The following XRRA1 variants were observed in gnomAD, a reference collection of about 807,000 sequenced individuals.
XRRA1 encodes the protein X-ray radiation resistance-associated protein 1.
Under a neutral mutation model 80.2 loss-of-function variants are expected in XRRA1, and 69 were observed. That is an observed-to-expected ratio of 0.86 (90% CI 0.71 to 1.05). The LOEUF (loss-of-function observed/expected upper bound fraction) is 1.05, where lower values mean the gene tolerates loss of function less well. XRRA1 is among the 50% of genes least tolerant of loss of function. The probability of loss-of-function intolerance (pLI) is 0.00; values close to 1 mark genes in which losing one functional copy is unlikely to be tolerated. For synonymous variants in XRRA1, 348 were observed against 389.9 expected, an observed-to-expected ratio of 0.89 and a Z score of 1.27; for missense variants, 967 against 976.4, an observed-to-expected ratio of 0.99 and a Z score of 0.13.
rs1187141979 is a variant in XRRA1 at position 74,851,864 on chromosome 11, C to G, written c.1264+125G>C. On this transcript the variant is annotated intron_variant, in intron 13 of 18. Transcript: ENST00000684022. ...CTATTTCCTCCATTCCTCAATGTAC[C>G]ATGAACCTTGTCCACCCCGACACAG... The G allele has an allele frequency of 5.1e-6, 4 of 789,468 alleles. No homozygotes were observed. The East Asian group carries it at 1.0e-4, about 20-fold the overall frequency. The allele number at this position is 789,468 out of a possible 1,614,324, so 48.9% of individuals were successfully genotyped here. A position where few individuals can be genotyped will look rare whatever the true frequency, so the allele number is the denominator to read the frequency against.
At chr11:74,928,701 T>C (rs953155153) in intron 6 of XRRA1, among the ~76,000 whole-genome samples, 9 of 152,228 alleles carry the variant, frequency 5.9e-5, no homozygotes, top group Non-Finnish European at 1.2e-4. Context: ...GAATGTTCAG[T>C]AGAACCTAAT....
intron 5 of XRRA1, among the ~76,000 whole-genome samples, chr11:74,931,193 C>T (rs182996911): frequency 5.3e-5 from 8 of 151,768 alleles, no homozygotes; most frequent in African/African-American, 1.9e-4. Flanking sequence ...TAAAACTTTA[C>T]GTTAAATGCA....
chr11:74,928,747 A>G (rs1157972683), intron 6 of XRRA1, among the ~76,000 whole-genome samples: 3 of 152,216 alleles, frequency 2.0e-5, no homozygotes, highest in Admixed American at 1.3e-4. Context: ...GATGTTTCCA[A>G]TGAACAGCCT....
intron 10 of XRRA1, among the ~76,000 whole-genome samples, chr11:74,889,755 T>C (rs1461290219): frequency 6.6e-6 from 1 of 152,194 alleles, no homozygotes; most frequent in Non-Finnish European, 1.5e-5. Flanking sequence ...GTTGCAATTC[T>C]AGTCTCTGAT....
At chr11:74,909,457 T>C (rs2055374390) in intron 8 of XRRA1, among the ~76,000 whole-genome samples, 1 of 152,208 alleles carries the variant, frequency 6.6e-6, no homozygotes, top group South Asian at 2.1e-4. Context: ...AAAATTCCTC[T>C]TAAGCTCCAT....
chr11:74,937,739 G>A (rs1442187080), intron 3 of XRRA1, among the ~76,000 whole-genome samples: 3 of 152,132 alleles, frequency 2.0e-5, no homozygotes, highest in Non-Finnish European at 4.4e-5. Flanking sequence ...GTTCTTTCTC[G>A]CACCAGCAGT....
chr11:74,869,757 A>G (rs1235686787), intron 10 of XRRA1, among the ~76,000 whole-genome samples: 1 of 152,106 alleles, frequency 6.6e-6, no homozygotes, highest in South Asian at 2.1e-4. Context: ...TTCACACCCT[A>G]TGTAAATCAG....
chr11:74,849,551 G>A (rs977456991), intron 14 of XRRA1, among the ~76,000 whole-genome samples: 6 of 152,146 alleles, frequency 3.9e-5, no homozygotes, highest in African/African-American at 7.2e-5. Context: ...AACACCAAGC[G>A]CCATCACTTG....
chr11:74,873,740 T>A (rs974170374), intron 10 of XRRA1, among the ~76,000 whole-genome samples: 1 of 152,154 alleles, frequency 6.6e-6, no homozygotes, highest in African/African-American at 2.4e-5. Flanking sequence ...AAATCTAACA[T>A]CAAGCTTTGC....
chr11:74,934,807 A>T (rs1208063513), intron 4 of XRRA1, among the ~76,000 whole-genome samples: 1 of 152,200 alleles, frequency 6.6e-6, no homozygotes, highest in African/African-American at 2.4e-5. Context: ...GCAGATTTTT[A>T]GCAGGGGGCT....
chr11:74,929,110 T>C (rs1031373797), intron 6 of XRRA1, among the ~76,000 whole-genome samples: 7 of 152,232 alleles, frequency 4.6e-5, no homozygotes, highest in African/African-American at 1.7e-4. Flanking sequence ...ATATGCTTCT[T>C]TGAAAACAAT....
chr11:74,860,769 T>G (rs1385881267), intron 11 of XRRA1, among the ~76,000 whole-genome samples: 10 of 152,226 alleles, frequency 6.6e-5, no homozygotes, highest in Admixed American at 6.5e-4. Context: ...GACTGGCTGT[T>G]ACATAAGAAA....
rs139604739 is a variant in XRRA1 at position 74,883,282 on chromosome 11, C to T, written c.1004-20261G>A. ...GGGAGTGACCTGATTTTCCAGGTGC[C>T]GTCCGTCACCCCTTTCTTTGACTCA... On this transcript the variant is annotated intron_variant, in intron 10 of 18. Transcript: ENST00000684022. Among the ~76,000 whole-genome samples the T allele has an allele frequency of 6.0e-3, 812 of 135,136 alleles. 8 individuals are homozygous for T. The highest frequency in any genetic ancestry group is 0.021 in the African/African-American group (748 of 36,380). 88.7% of individuals were successfully genotyped at this position (135,136 alleles called of 152,430 possible).
chr11:74,891,848 C>G (rs867641455), intron 10 of XRRA1, among the ~76,000 whole-genome samples: 10 of 152,164 alleles, frequency 6.6e-5, no homozygotes, highest in East Asian at 5.8e-4. Flanking sequence ...AACTTACAAG[C>G]AATGTGAAGG....
chr11:74,892,659 G>T (rs1356033162), intron 10 of XRRA1, among the ~76,000 whole-genome samples: 2 of 152,094 alleles, frequency 1.3e-5, no homozygotes, highest in African/African-American at 4.8e-5. Context: ...CTACTCATCT[G>T]ACAAAGGGCT....
At chr11:74,871,940 A>G (rs1014652731) in intron 10 of XRRA1, among the ~76,000 whole-genome samples, 2 of 152,222 alleles carry the variant, frequency 1.3e-5, no homozygotes, top group Admixed American at 1.3e-4. Flanking sequence ...GCAGCTCTGC[A>G]TGCATCAGAG....
chr11:74,859,381 AC>A (rs2041847395), intron 11 of XRRA1, 98 bp from the exon 12 acceptor site: 2 of 1,367,412 alleles, frequency 1.5e-6, no homozygotes, highest in Non-Finnish European at 2.0e-6. Flanking sequence ...GGAATGAATG[AC>A]CTTCCTAGAG....
At chr11:74,881,921 C>G (rs1456824217) in intron 10 of XRRA1, among the ~76,000 whole-genome samples, 26 of 142,460 alleles carry the variant, frequency 1.8e-4, no homozygotes, top group Non-Finnish European at 4.6e-5. Flanking sequence ...CCTGACCTTT[C>G]TCTCTGGCTG....
In XRRA1 at chr11:74,906,427, C is replaced by T. The variant is rs1490498578; in HGVS notation, c.815G>A (p.Arg272Lys). The T allele has an allele frequency of 6.2e-7, 1 of 1,613,824 alleles. No individual in the cohort carries two copies. Among genetic ancestry groups the T allele is most frequent in the Non-Finnish European group, 8.5e-7 (1 of 1,179,876 alleles). Residue 272 changes from arginine (R) to lysine (K), a missense_variant, in exon 10 of 19, where the codon AGG (arginine) becomes AAG (lysine). Coordinates refer to ENST00000684022, the MANE Select transcript of XRRA1 (RefSeq NM_001378157.1). ...CTGTAGGTATGGGATCCTGATAATC[C>T]TGTTTTCATCCAAGCTTAACTTCTT... is the stretch of plus-strand genomic sequence containing the variant. ...RLKKLSLDEN[R>K]IIRIPYLQQV...
Sources: allele counts gnomAD v4.1 joint callset (sites outside exome capture counted in the v4.1 genomes callset), GRCh38; gene constraint gnomAD v4.1.1; transcripts MANE v1.5; gene names NCBI Gene and HGNC (gene_info 2026-07-23, HGNC 2026-07-21).